KDM4C: variants seen among roughly 807,000 people sequenced by gnomAD.
KDM4C encodes lysine demethylase 4C, also known as lysine-specific demethylase 4C.
Under a neutral mutation model 129.3 loss-of-function variants are expected in KDM4C, and 81 were observed. The ratio of observed to expected loss-of-function variants is 0.63; its 90% CI spans 0.52 to 0.75. The LOEUF is 0.75. Among genes scored for constraint, KDM4C ranks in the 30% least tolerant of loss-of-function variants. The probability of loss-of-function intolerance (pLI) is 0.00; values close to 1 mark genes in which losing one functional copy is unlikely to be tolerated. For synonymous variants in KDM4C, 573 were observed against 456.1 expected, an observed-to-expected ratio of 1.26 and a Z score of -3.26; for missense variants, 1,457 against 1,304.0, an observed-to-expected ratio of 1.12 and a Z score of -1.81.
chr9:6,773,959 C>G (rs7044198), intron 1 of KDM4C, among the ~76,000 whole-genome samples: 14,544 of 151,896 alleles, frequency 0.096, 816 homozygotes, highest in Non-Finnish European at 0.11. Context: ...GAGATGGAGT[C>G]TCACTGCAAA....
intron 1 of KDM4C, among the ~76,000 whole-genome samples, chr9:6,725,263 G>C (rs564036206): frequency 6.6e-6 from 1 of 152,002 alleles, no homozygotes; most frequent in South Asian, 2.1e-4. Flanking sequence ...GTGCAGGAGG[G>C]ACGACTTTAA....
intron 17 of KDM4C, among the ~76,000 whole-genome samples, chr9:7,052,273 C>T (rs910041450): frequency 2.6e-5 from 4 of 152,084 alleles, no homozygotes; most frequent in African/African-American, 9.7e-5. Flanking sequence ...TTAACATTAC[C>T]TGTTCTTATG....
At chr9:6,729,470 G>C (rs2130202882) in intron 1 of KDM4C, among the ~76,000 whole-genome samples, 1 of 124,600 alleles carries the variant, frequency 8.0e-6, no homozygotes, top group East Asian at 2.7e-4. Context: ...GAGCCCAGGG[G>C]AGTGGGGCGG....
intron 19 of KDM4C, among the ~76,000 whole-genome samples, chr9:7,134,765 CAT>C (rs1841014770): frequency 6.6e-6 from 1 of 152,132 alleles, no homozygotes; most frequent in Admixed American, 6.5e-5. Context: ...AAGAAATAAT[CAT>C]AGAATCTGAA....
intron 4 of KDM4C, among the ~76,000 whole-genome samples, chr9:6,846,759 G>GT (rs60198298): frequency 1.3e-5 from 2 of 152,096 alleles, no homozygotes; most frequent in African/African-American, 2.4e-5. Flanking sequence ...TGCTTGACTT[G>GT]TTTTTTGGGA....
At chr9:7,085,165 C>G (rs1420449819) in intron 17 of KDM4C, among the ~76,000 whole-genome samples, 1 of 152,170 alleles carries the variant, frequency 6.6e-6, no homozygotes, top group Non-Finnish European at 1.5e-5. Flanking sequence ...CAGAATGAAA[C>G]CAGGAAGGGG....
intron 8 of KDM4C, among the ~76,000 whole-genome samples, chr9:6,949,530 C>G (rs1268409121): frequency 6.6e-6 from 1 of 152,236 alleles, no homozygotes; most frequent in Non-Finnish European, 1.5e-5. Flanking sequence ...GATCACGCCA[C>G]TGCCCTCCAG....
intron 1 of KDM4C, among the ~76,000 whole-genome samples, chr9:6,731,787 G>A (rs1248726354): frequency 6.6e-6 from 1 of 152,084 alleles, no homozygotes; most frequent in Non-Finnish European, 1.5e-5. Context: ...GGGCCTTAGC[G>A]CCATTTTCCG....
chr9:7,055,559 A>AG (rs1422556538), intron 17 of KDM4C, among the ~76,000 whole-genome samples: 1 of 152,230 alleles, frequency 6.6e-6, no homozygotes, highest in Non-Finnish European at 1.5e-5. Context: ...TTGTACCTGA[A>AG]GGCAAATAAT....
chr9:6,990,327 T>A, intron 11 of KDM4C, 89 bp from the exon 12 acceptor site: 1 of 837,462 alleles, frequency 1.2e-6, no homozygotes. Flanking sequence ...CAACATTAAG[T>A]GATAAATAAT....
intron 12 of KDM4C, among the ~76,000 whole-genome samples, chr9:6,991,531 G>A (rs1563945781): frequency 6.6e-6 from 1 of 152,112 alleles, no homozygotes; most frequent in Non-Finnish European, 1.5e-5. Context: ...ATTCAGGCAG[G>A]TTTTCTGTTA....
chr9:6,915,375 C>T (rs1252822147), intron 8 of KDM4C, among the ~76,000 whole-genome samples: 4 of 152,186 alleles, frequency 2.6e-5, no homozygotes, highest in Admixed American at 2.6e-4. Flanking sequence ...TGACCTTCCT[C>T]TGAAGCAATC....
At chr9:6,757,623 G>A (rs2130344062), upstream of KDM4C, 2 of 985,450 alleles carry the variant, frequency 2.0e-6, no homozygotes, top group South Asian at 4.7e-5. Context: ...CCACGCTGAC[G>A]TCCGCGCGTC....
intron 20 of KDM4C, among the ~76,000 whole-genome samples, chr9:7,167,011 T>C (rs1335148527): frequency 2.6e-5 from 4 of 152,222 alleles, no homozygotes; most frequent in African/African-American, 4.8e-5. Context: ...AAAATAGATA[T>C]GACAGATAAA....
intron 19 of KDM4C, among the ~76,000 whole-genome samples, chr9:7,133,449 G>A (rs1287085677): frequency 1.3e-5 from 2 of 152,130 alleles, no homozygotes; most frequent in African/African-American, 4.8e-5. Context: ...TGTGTTTTCT[G>A]AGTGTATTTT....
chr9:7,014,396 T>C (rs768675129), intron 14 of KDM4C: 1 of 162,632 alleles, frequency 6.1e-6, no homozygotes, highest in African/African-American at 2.4e-5. Flanking sequence ...AATGTTCCTT[T>C]GGTTGTTCTG....
chr9:6,809,594 G>A (rs1337066394), intron 3 of KDM4C, among the ~76,000 whole-genome samples: 1 of 152,218 alleles, frequency 6.6e-6, no homozygotes, highest in African/African-American at 2.4e-5. Context: ...GGCTTCTGTG[G>A]TTGTTCATAA....
intron 1 of KDM4C, among the ~76,000 whole-genome samples, chr9:6,750,253 A>G (rs892733750): frequency 6.6e-6 from 1 of 152,018 alleles, no homozygotes; most frequent in Non-Finnish European, 1.5e-5. Context: ...AGCCTGACCA[A>G]TATGGTGGAA....
At position 7,026,732 on chromosome 9, in the gene KDM4C, C is replaced by G. The variant is rs1012332757; in HGVS notation, c.2259+10803C>G. 4.6e-5 allele frequency among the ~76,000 whole-genome samples: 7 copies of G among 152,010 alleles called. No individual in the cohort carries two copies. The East Asian group carries it at 1.2e-3, about 25-fold the overall frequency. ...AAGGCTAGTGACTCTCAGATTTGCC[C>G]TTTTGAGGCTTTCTTGATCCTGTAG... On this transcript the variant is annotated intron_variant, in intron 15 of 21. Transcript: ENST00000381309.
Sources: allele counts gnomAD v4.1 joint callset (sites outside exome capture counted in the v4.1 genomes callset), GRCh38; gene constraint gnomAD v4.1.1; transcripts MANE v1.5; gene names NCBI Gene and HGNC (gene_info 2026-07-23, HGNC 2026-07-21).